REV1: variants seen among roughly 807,000 people sequenced by gnomAD.
The protein encoded by REV1 is translesion synthesis protein REV1.
Under a neutral mutation model 137.4 loss-of-function variants are expected in REV1, and 42 were observed. The ratio of observed to expected loss-of-function variants is 0.31; its 90% confidence interval spans 0.24 to 0.40. The LOEUF is 0.40. Among genes scored for constraint, REV1 ranks in the 10% least tolerant of loss-of-function variants. The pLI is 1.00. For synonymous variants in REV1, 524 were observed against 519.2 expected (o/e 1.01, Z -0.12); for missense variants, 1,282 against 1,490.1 (o/e 0.86, Z 2.30).
chr2:99,449,179 T>C (rs541767922), intron 4 of REV1, among the ~76,000 whole-genome samples, 157 bp downstream of exon 4: 1 of 152,228 alleles, frequency 6.6e-6, no homozygotes, highest in East Asian at 1.9e-4. Flanking sequence ...ATGGGAGGGC[T>C]GCTTGAGCCT....
intron 4 of REV1, among the ~76,000 whole-genome samples, chr2:99,446,364 A>T (rs1682206250): frequency 6.6e-6 from 1 of 152,250 alleles, no homozygotes; most frequent in Non-Finnish European, 1.5e-5. Context: ...ACCTCAGTCC[A>T]GACTAAGATA....
chr2:99,490,067 G>A (rs1687557117), upstream of REV1: 1 of 47,276 alleles, frequency 2.1e-5, no homozygotes, highest in Non-Finnish European at 4.1e-5. Flanking sequence ...ACGCCCCCTA[G>A]CGTTCCGCGC....
At chr2:99,460,515 A>G (rs1684062993) in intron 3 of REV1, among the ~76,000 whole-genome samples, 1 of 152,214 alleles carries the variant, frequency 6.6e-6, no homozygotes, top group African/African-American at 2.4e-5. Flanking sequence ...ACTCCTCAAG[A>G]CTGTGAAATA....
At chr2:99,410,409 C>T (rs1676970698) in intron 14 of REV1, among the ~76,000 whole-genome samples, 1 of 152,154 alleles carries the variant, frequency 6.6e-6, no homozygotes, top group Non-Finnish European at 1.5e-5. Flanking sequence ...GCAGCCTTGC[C>T]CTTTCTTTCT....
In REV1 at chr2:99,404,564, A is replaced by G. The variant is rs1214610116; in HGVS notation, c.2925T>C (p.Asn975=). The G allele has an allele frequency of 1.2e-6, 2 of 1,614,078 alleles. No homozygotes were observed. The highest frequency in any genetic ancestry group is 1.1e-5 in the South Asian group (1 of 91,062). The part of the protein sequence containing the change: ...SHGDKKKEPV[N]GCNTGILPQP... ...GTGGCAAAATTCCTGTATTACAGCCATTTACTGGTTCTTTCTTTTTGTCGC... is the reference window on the plus strand; with the variant it reads ...GTGGCAAAATTCCTGTATTACAGCCGTTTACTGGTTCTTTCTTTTTGTCGC... Residue 975 remains asparagine (N), a synonymous_variant, in exon 18 of 23, where the codon AAT becomes AAC. Coordinates refer to ENST00000258428, the MANE Select transcript of REV1 (RefSeq NM_016316.4).
chr2:99,456,171 G>T (rs1274337899), intron 3 of REV1, among the ~76,000 whole-genome samples: 1 of 152,156 alleles, frequency 6.6e-6, no homozygotes, highest in Non-Finnish European at 1.5e-5. Flanking sequence ...TTTAGCATCT[G>T]AGTGAAAATA....
chr2:99,419,213 T>TTG (rs1178824399), intron 11 of REV1, among the ~76,000 whole-genome samples: 1 of 148,282 alleles, frequency 6.7e-6, no homozygotes, highest in African/African-American at 2.5e-5. Context: ...TGATTTTTTT[T>TTG]TTTTTTTTTT....
At chr2:99,453,892 CAAAAAA>C (rs58291328) in intron 3 of REV1, among the ~76,000 whole-genome samples, 2 of 48,036 alleles carry the variant, frequency 4.2e-5, no homozygotes, top group Non-Finnish European at 7.7e-5. Flanking sequence ...GGCTCTGTCT[CAAAAAA>C]AAAAAAAAAA....
At chr2:99,470,133 A>T (rs1685254555) in intron 1 of REV1, among the ~76,000 whole-genome samples, 2 of 152,106 alleles carry the variant, frequency 1.3e-5, no homozygotes, top group Non-Finnish European at 2.9e-5. Context: ...AAAAAAAAAA[A>T]AGATATTTCA....
chr2:99,418,543 T>A (rs376905681), intron 12 of REV1, among the ~76,000 whole-genome samples: 1 of 152,218 alleles, frequency 6.6e-6, no homozygotes, highest in East Asian at 1.9e-4. Flanking sequence ...GTCAATTTCA[T>A]CATCCTCCCT....
intron 22 of REV1, among the ~76,000 whole-genome samples, chr2:99,401,849 G>A (rs532087189): frequency 7.9e-5 from 12 of 152,184 alleles, no homozygotes; most frequent in South Asian, 6.2e-4. Context: ...ATGGTTCACC[G>A]CAGCCTCCAC....
At chr2:99,404,736 G>A in intron 17 of REV1, 59 bp from the exon 18 acceptor site, 1 of 1,139,092 alleles carries the variant, frequency 8.8e-7, no homozygotes, top group Non-Finnish European at 1.3e-6. Flanking sequence ...TGAGGTGTTT[G>A]GGAGTTAACA....
rs1297001430 is a variant in REV1 at position 99,410,854 on chromosome 2, T to G, written c.2186A>C (p.Glu729Ala). The part of the protein sequence containing the change: ...GIRFTQPKEA[E>A]AFLLSLSEEI... ...TTCTGAAAGACTCAGAAGAAAAGCT[T>G]CTGCCTCTTTTGGCTATGGAAAGAC... Residue 729 changes from glutamate (E) to alanine (A), a missense_variant, in exon 14 of 23, where the codon GAA (glutamate) becomes GCA (alanine). Physicochemically the swap from Glu to Ala is moderately radical, Grantham distance 107. Around this residue, in one of 7 missense-constraint regions of REV1, gnomAD observed 372 missense variants for 482.3 expected, o/e 0.77. Transcript: ENST00000258428. 1 of 1,586,552 alleles carries G rather than the reference T, an allele frequency of 6.3e-7. No homozygotes were observed. The highest frequency in any genetic ancestry group is 8.5e-7 in the Non-Finnish European group (1 of 1,173,032).
In REV1 at chr2:99,439,230, T is replaced by C. The variant is rs754063975; in HGVS notation, c.584A>G (p.Asn195Ser). ...CAGATCCACAAAACTAAAATCATTA[T>C]TTTCATCTTCTTCATTCCAACTGTT... The part of the protein sequence containing the change: ...GMNSWNEEDE[N>S]NDFSFVDLEQ... Residue 195 changes from asparagine to serine, a missense_variant, in exon 6 of 23, where the codon AAT becomes AGT. This residue lies in a region of REV1 where 432 missense variants were observed against 438.0 expected (regional missense o/e 0.99). Coordinates refer to ENST00000258428, the MANE Select transcript of REV1 (RefSeq NM_016316.4). 8.1e-6 allele frequency: 13 copies of C among 1,614,162 alleles called. No individual in the cohort carries two copies. Among genetic ancestry groups the C allele is most frequent in the Middle Eastern group, 1.6e-4 (1 of 6,062 alleles).
intron 9 of REV1, among the ~76,000 whole-genome samples, chr2:99,425,993 G>A (rs1274725080): frequency 8.6e-5 from 13 of 151,632 alleles, no homozygotes; most frequent in Admixed American, 7.2e-4. Flanking sequence ...CCGAGATCGC[G>A]CCATTACACT....
chr2:99,455,768 GA>G (rs1683469701), intron 3 of REV1, among the ~76,000 whole-genome samples: 1 of 152,166 alleles, frequency 6.6e-6, no homozygotes, highest in Non-Finnish European at 1.5e-5. Context: ...TGTATGTTTA[GA>G]AAACATCAAT....
intron 11 of REV1, among the ~76,000 whole-genome samples, chr2:99,421,201 C>CTT (rs1387730246): frequency 3.3e-5 from 5 of 151,836 alleles, no homozygotes; most frequent in Non-Finnish European, 7.4e-5. Context: ...CACCACCTAG[C>CTT]TTTAAATACG....
chr2:99,441,328 AT>A (rs1432396620), intron 5 of REV1, among the ~76,000 whole-genome samples: 3 of 152,194 alleles, frequency 2.0e-5, no homozygotes, highest in East Asian at 1.9e-4. Flanking sequence ...TCGAAAAAAA[AT>A]ATATCCAACT....
intron 1 of REV1, among the ~76,000 whole-genome samples, chr2:99,483,888 A>G (rs1409712653): frequency 6.6e-6 from 1 of 152,150 alleles, no homozygotes; most frequent in Non-Finnish European, 1.5e-5. Flanking sequence ...AGTAAGATAT[A>G]ATGGCATTGC....
Sources: gnomAD v4.1 joint callset for allele counts (sites outside exome capture counted in the v4.1 genomes callset) on GRCh38, gnomAD v4.1.1 for gene constraint, gnomAD v4.1.1 regional missense constraint, MANE v1.5 for transcripts, NCBI Gene and HGNC (gene_info 2026-07-23, HGNC 2026-07-21) for gene names.